The following EPHX2 variants were observed in gnomAD, a reference collection of about 807,000 sequenced individuals.
EPHX2 encodes the protein epoxide hydrolase 2.
A neutral mutation model predicts 78.7 loss-of-function variants in EPHX2; 74 were observed. That is an observed-to-expected ratio of 0.94 (90% confidence interval 0.78 to 1.14). EPHX2 has a LOEUF of 1.14. Among genes scored for constraint, EPHX2 ranks in the 50% most tolerant of loss-of-function variants. The probability of loss-of-function intolerance (pLI) is 0.00; values close to 1 mark genes in which losing one functional copy is unlikely to be tolerated. For synonymous variants in EPHX2, 251 were observed against 255.2 expected, an observed-to-expected ratio of 0.98 and a Z score of 0.16; for missense variants, 715 against 702.5, an observed-to-expected ratio of 1.02 and a Z score of -0.20.
intron 10 of EPHX2, 44 bp from the exon 11 acceptor site, chr8:27,522,379 C>T (rs747081293): frequency 6.2e-7 from 1 of 1,603,342 alleles, no homozygotes; most frequent in Non-Finnish European, 8.5e-7. Flanking sequence ...CACCCCGTTC[C>T]AGAAGCCTCC....
chr8:27,538,847 C>G, intron 14 of EPHX2, 155 bp downstream of exon 14: 4 of 757,008 alleles, frequency 5.3e-6, no homozygotes, highest in Non-Finnish European at 9.2e-6. Context: ...AGGGCTGACT[C>G]TAACCCCAGG....
intron 4 of EPHX2, among the ~76,000 whole-genome samples, chr8:27,506,608 CAGA>C (rs1814014246): frequency 6.6e-6 from 1 of 152,122 alleles, no homozygotes; most frequent in South Asian, 2.1e-4. Flanking sequence ...TTGATTTTCC[CAGA>C]AGAATTTTAA....
chr8:27,541,624 C>T (rs775377284), intron 16 of EPHX2, 82 bp downstream of exon 16: 105 of 1,467,396 alleles, frequency 7.2e-5, no homozygotes, highest in Non-Finnish European at 9.5e-5. Flanking sequence ...CTGATATGAC[C>T]TGGGCCAGAG....
intron 1 of EPHX2, among the ~76,000 whole-genome samples, chr8:27,496,565 G>A (rs931117368): frequency 6.6e-6 from 1 of 152,152 alleles, no homozygotes; most frequent in African/African-American, 2.4e-5. Flanking sequence ...GGATATAGAG[G>A]AATTACTGCC....
intron 12 of EPHX2, among the ~76,000 whole-genome samples, chr8:27,528,648 C>A (rs1273414063): frequency 6.6e-6 from 1 of 152,164 alleles, no homozygotes; most frequent in East Asian, 1.9e-4. Flanking sequence ...TTCCTGCCAC[C>A]TCCTAACCCG....
At chr8:27,535,104 A>G (rs1815170231) in intron 12 of EPHX2, among the ~76,000 whole-genome samples, 1 of 152,252 alleles carries the variant, frequency 6.6e-6, no homozygotes, top group Non-Finnish European at 1.5e-5. Flanking sequence ...TGGCATTGCC[A>G]CACTTAACTC....
intron 8 of EPHX2, among the ~76,000 whole-genome samples, chr8:27,516,786 G>T (rs1277349436): frequency 6.6e-6 from 1 of 152,128 alleles, no homozygotes; most frequent in African/African-American, 2.4e-5. Flanking sequence ...CTGTCTCTAT[G>T]AATCTAACTC....
At chr8:27,504,860 C>G in intron 3 of EPHX2, 96 bp from the exon 4 acceptor site, 14 of 1,298,938 alleles carry the variant, frequency 1.1e-5, no homozygotes, top group Non-Finnish European at 1.5e-5. Context: ...GTGAGCACAA[C>G]CTGCTTGGCC....
chr8:27,505,250 C>T (rs1253984408), intron 4 of EPHX2, 104 bp downstream of exon 4: 9 of 1,108,138 alleles, frequency 8.1e-6, no homozygotes, highest in Middle Eastern at 2.0e-4. Context: ...CCTGGCAGGA[C>T]AGCTCTGAGT....
intron 13 of EPHX2, 101 bp downstream of exon 13, chr8:27,536,956 C>CT (rs903031762): frequency 2.9e-5 from 36 of 1,253,224 alleles, no homozygotes; most frequent in Non-Finnish European, 4.0e-5. Flanking sequence ...ATCTGGCCTC[C>CT]TTTTCTTTCA....
intron 16 of EPHX2, 43 bp downstream of exon 16, chr8:27,541,585 C>A: frequency 6.2e-7 from 1 of 1,609,014 alleles, no homozygotes; most frequent in Non-Finnish European, 8.5e-7. Flanking sequence ...ACCCCAGGAC[C>A]CGCCCGCGGG....
Position 27,543,828 on chromosome 8 carries a change from G to A in EPHX2, c.1529G>A (p.Trp510Ter), listed in dbSNP as rs141415432. 3.0e-5 allele frequency: 48 copies of A among 1,614,084 alleles called. No individual in the cohort carries two copies. The highest frequency in any genetic ancestry group is 1.7e-5 in the Admixed American group (1 of 60,004). Residue 510 changes from tryptophan (W) to a stop codon, truncating the protein, a stop_gained and splice_region_variant, in exon 17 of 19, where the codon TGG becomes TAG. Coordinates refer to ENST00000521400, the MANE Select transcript of EPHX2 (RefSeq NM_001979.6). LOFTEE classifies it high-confidence loss of function. ...VPQMSQHMED[W>*]IPHLKRGHIE... ...CAGATGTCCCAGCACATGGAGGACT[G>A]GGTGAGGGAATGGCCCTGTACAAGG...
intron 5 of EPHX2, among the ~76,000 whole-genome samples, chr8:27,510,566 T>C (rs1268099372): frequency 6.6e-6 from 1 of 152,144 alleles, no homozygotes; most frequent in Non-Finnish European, 1.5e-5. Flanking sequence ...AGGATGTGAC[T>C]GGGTCTGAAG....
intron 2 of EPHX2, 117 bp downstream of exon 2, chr8:27,501,127 A>G: frequency 2.4e-6 from 2 of 817,136 alleles, no homozygotes; most frequent in Non-Finnish European, 3.9e-6. Context: ...GTGAAGACAA[A>G]TGTTGTTTTA....
downstream of EPHX2, among the ~76,000 whole-genome samples, chr8:27,545,731 C>T (rs1234023255): frequency 6.6e-6 from 1 of 152,190 alleles, no homozygotes; most frequent in African/African-American, 2.4e-5. Flanking sequence ...CAGATGCACG[C>T]ACAATGGCCT....
intron 1 of EPHX2, 29 bp from the exon 2 acceptor site, chr8:27,500,897 A>C (rs1813740934): frequency 6.3e-7 from 1 of 1,594,806 alleles, no homozygotes; most frequent in East Asian, 2.2e-5. Context: ...AATCCACAGA[A>C]TGTTCCTGAT....
At chr8:27,504,601 T>A (rs1563342495) in intron 3 of EPHX2, among the ~76,000 whole-genome samples, 1 of 152,276 alleles carries the variant, frequency 6.6e-6, no homozygotes, top group East Asian at 1.9e-4. Flanking sequence ...TGTTTGCTGA[T>A]CTGTGAATCT....
In EPHX2 at chr8:27,540,213, C is replaced by T. The variant is rs72477592; in HGVS notation, c.1277-341C>T. 4.6e-3 allele frequency among the ~76,000 whole-genome samples: 702 copies of T among 152,166 alleles called. 9 individuals are homozygous for T. Among genetic ancestry groups the T allele is most frequent in the African/African-American group, 0.016 (659 of 41,496 alleles). The stretch of plus-strand genomic sequence containing the variant: ...TTAAGCTGGCTGGGAAAGGTTTAGA[C>T]GAGGGGAGAGCAGGAGCTGGGGGCT... On this transcript the variant is annotated intron_variant, in intron 14 of 18. Coordinates refer to ENST00000521400, the MANE Select transcript of EPHX2 (RefSeq NM_001979.6).
chr8:27,506,946 G>A lies in EPHX2; in HGVS notation c.612G>A (p.Gln204=). The stretch of plus-strand genomic sequence containing the variant: ...TGGGAATGGTCACCATCCTGGTCCA[G>A]GACACTGACACGGCCCTGAAAGAAC... ...RDLGMVTILV[Q]DTDTALKELE... The change falls in exon 5 of 19, where the codon CAG becomes CAA. Residue 204 remains glutamine, a synonymous_variant. Coordinates refer to ENST00000521400, the MANE Select transcript of EPHX2 (RefSeq NM_001979.6). 1.2e-6 allele frequency: 2 copies of A among 1,614,106 alleles called. No individual in the cohort carries two copies. Among genetic ancestry groups the A allele is most frequent in the Non-Finnish European group, 1.7e-6 (2 of 1,180,014 alleles).
Sources: allele counts gnomAD v4.1 joint callset (sites outside exome capture counted in the v4.1 genomes callset), GRCh38; gene constraint gnomAD v4.1.1; transcripts MANE v1.5; gene names NCBI Gene and HGNC (gene_info 2026-07-23, HGNC 2026-07-21).